PARD3B: variants seen among roughly 807,000 people sequenced by gnomAD.
The protein encoded by PARD3B is par-3 family cell polarity regulator beta.
PARD3B carries 103 observed loss-of-function variants against 130.2 expected under a neutral mutation model. That is an observed-to-expected ratio of 0.79 (90% CI 0.67 to 0.93). PARD3B has a LOEUF of 0.93. PARD3B is among the 40% of genes least tolerant of loss of function. PARD3B has a pLI of 0.00. For synonymous variants in PARD3B, 583 were observed against 553.2 expected (o/e 1.05, Z -0.76); for missense variants, 1,609 against 1,499.2 (o/e 1.07, Z -1.21).
intron 2 of PARD3B, among the ~76,000 whole-genome samples, chr2:204,800,033 A>T (rs116277882): frequency 6.6e-6 from 1 of 152,286 alleles, no homozygotes; most frequent in Non-Finnish European, 1.5e-5. Context: ...CAAACAAATA[A>T]AGTACCAGTG....
chr2:205,275,803 C>T (rs532775598), intron 16 of PARD3B, among the ~76,000 whole-genome samples: 2 of 144,020 alleles, frequency 1.4e-5, no homozygotes, highest in East Asian at 4.1e-4. Context: ...CACCATTGCA[C>T]CCCAGCCTGA....
At chr2:204,916,942 A>G (rs1214020685) in intron 2 of PARD3B, among the ~76,000 whole-genome samples, 1 of 152,238 alleles carries the variant, frequency 6.6e-6, no homozygotes, top group Non-Finnish European at 1.5e-5. Context: ...GCATAGAACA[A>G]TGAATGAAAT....
chr2:205,140,153 G>A (rs976444635), intron 10 of PARD3B, among the ~76,000 whole-genome samples: 6 of 152,228 alleles, frequency 3.9e-5, no homozygotes, highest in Admixed American at 1.3e-4. Context: ...CAAGGCCACC[G>A]GGCAGGTAGT....
At chr2:204,828,377 C>G (rs901040750) in intron 2 of PARD3B, among the ~76,000 whole-genome samples, 3 of 152,154 alleles carry the variant, frequency 2.0e-5, no homozygotes, top group African/African-American at 7.2e-5. Flanking sequence ...TTTCTCTGCT[C>G]CAGTGATTCT....
chr2:204,757,737 A>C (rs1001986421), intron 2 of PARD3B, among the ~76,000 whole-genome samples: 21 of 152,112 alleles, frequency 1.4e-4, no homozygotes, highest in African/African-American at 4.1e-4. Flanking sequence ...GACTTTTTTT[A>C]AACAAAAGAT....
At chr2:204,839,704 C>A (rs1162344726) in intron 2 of PARD3B, among the ~76,000 whole-genome samples, 1 of 152,112 alleles carries the variant, frequency 6.6e-6, no homozygotes, top group Non-Finnish European at 1.5e-5. Context: ...GGAAAACAAA[C>A]AAACTGAGTA....
chr2:205,246,278 C>T (rs189643768), intron 16 of PARD3B, among the ~76,000 whole-genome samples: 3 of 149,812 alleles, frequency 2.0e-5, no homozygotes, highest in African/African-American at 7.4e-5. Flanking sequence ...TGGATTGTTC[C>T]AGGGATGTAT....
intron 1 of PARD3B, among the ~76,000 whole-genome samples, chr2:204,588,540 C>CACT (rs1312222411): frequency 6.6e-6 from 1 of 152,146 alleles, no homozygotes; most frequent in Non-Finnish European, 1.5e-5. Context: ...TTTTCCAAGG[C>CACT]ACTACATCAT....
intron 1 of PARD3B, among the ~76,000 whole-genome samples, chr2:204,683,674 C>T (rs1342631024): frequency 1.3e-5 from 2 of 152,182 alleles, no homozygotes; most frequent in East Asian, 3.9e-4. Context: ...TTTCCTATGG[C>T]TTGTCTGTTT....
At chr2:205,192,416 G>T (rs1237375064) in intron 14 of PARD3B, among the ~76,000 whole-genome samples, 1 of 151,942 alleles carries the variant, frequency 6.6e-6, no homozygotes, top group Admixed American at 6.6e-5. Flanking sequence ...AGAGTGCCAA[G>T]GTAAGAAAAT....
rs747980052 is a variant in PARD3B, at chr2:204,965,102, G to T, written c.223-50G>T. On this transcript the variant is annotated intron_variant, in intron 2 of 22. Transcript: ENST00000406610. The stretch of plus-strand genomic sequence containing the variant: ...TCACGTTCAGCTAGATAGTGTCCGT[G>T]TGGTATGCATGTCCTACAAAGTAAT... The T allele has an allele frequency of 2.7e-5, 42 of 1,568,362 alleles. No individual in the cohort carries two copies. In the South Asian group the frequency reaches 4.3e-4, roughly 16 times the overall value.
In PARD3B at chr2:204,799,531, C is replaced by T. The variant is rs1054506752; in HGVS notation, c.222+113249C>T. Among the ~76,000 whole-genome samples, 1 of 152,164 alleles carries T rather than the reference C, an allele frequency of 6.6e-6. No homozygotes were observed. The highest frequency in any genetic ancestry group is 1.5e-5 in the Non-Finnish European group (1 of 68,028). On this transcript the variant is annotated intron_variant, in intron 2 of 22. Coordinates refer to ENST00000406610, the MANE Select transcript of PARD3B (RefSeq NM_001302769.2). The surrounding 1 kb of genome is among the most constrained non-coding windows in gnomAD (Gnocchi z 4.1). ...TTGGGCCGTGAGTGAACATTCACAG[C>T]CAGACAGTGGTCACTGTGGGTCTTT... is the stretch of plus-strand genomic sequence containing the variant.
At chr2:204,686,156 T>C (rs185249916) in intron 1 of PARD3B, 25 bp from the exon 2 acceptor site, 6 of 1,492,206 alleles carry the variant, frequency 4.0e-6, no homozygotes, top group African/African-American at 1.4e-5. Context: ...ATTAGGTCAT[T>C]AAACTTGTGT....
intron 19 of PARD3B, among the ~76,000 whole-genome samples, chr2:205,431,190 C>T (rs1030169051): frequency 1.3e-5 from 2 of 152,222 alleles, no homozygotes; most frequent in Non-Finnish European, 2.9e-5. Flanking sequence ...AATTCTCGTG[C>T]CTCAGCCTCC....
intron 4 of PARD3B, among the ~76,000 whole-genome samples, chr2:205,100,865 A>C (rs2125564013): frequency 6.6e-6 from 1 of 152,280 alleles, no homozygotes; most frequent in East Asian, 1.9e-4. Flanking sequence ...CCTAAATGTA[A>C]GAGCTAACAC....
chr2:204,857,144 C>T (rs959016430), intron 2 of PARD3B, among the ~76,000 whole-genome samples: 20 of 152,142 alleles, frequency 1.3e-4, no homozygotes, highest in African/African-American at 4.8e-4. Context: ...TTTTGCATCA[C>T]TGTTTGAATG....
chr2:205,372,518 C>A (rs936124063), intron 18 of PARD3B, among the ~76,000 whole-genome samples: 1 of 152,180 alleles, frequency 6.6e-6, no homozygotes, highest in East Asian at 1.9e-4. Flanking sequence ...ACTTTAGGAC[C>A]TGTTTTCAAA....
intron 11 of PARD3B, among the ~76,000 whole-genome samples, chr2:205,165,186 G>C (rs926604105): frequency 1.3e-5 from 2 of 152,020 alleles, no homozygotes; most frequent in Admixed American, 1.3e-4. Flanking sequence ...AGTAAATTAA[G>C]AGCAGAAAAT....
rs188543738 is a variant in PARD3B, at chr2:205,380,408, A to T, written c.2631-20605A>T. ...TATATAAAGAATATATATTATATATAATATATAAAGAATATATATTATATA... is the reference window on the plus strand; with the variant it reads ...TATATAAAGAATATATATTATATATTATATATAAAGAATATATATTATATA... On this transcript the variant is annotated intron_variant, in intron 18 of 22. Transcript: ENST00000406610. Among the ~76,000 whole-genome samples, 143 of 41,976 alleles carry T rather than the reference A, an allele frequency of 3.4e-3. 4 individuals carry two copies. Among genetic ancestry groups the T allele is most frequent in the African/African-American group, 0.015 (136 of 8,958 alleles). 27.5% of individuals were successfully genotyped at this position (41,976 alleles called of 152,430 possible).
Sources: gnomAD v4.1 joint callset for allele counts (sites outside exome capture counted in the v4.1 genomes callset) on GRCh38, gnomAD v4.1.1 for gene constraint, Gnocchi (gnomAD v3.1) non-coding constraint, MANE v1.5 for transcripts, NCBI Gene and HGNC (gene_info 2026-07-23, HGNC 2026-07-21) for gene names.